The following FAM163B variants were observed in gnomAD, a reference collection of about 807,000 sequenced individuals.
FAM163B encodes the protein protein FAM163B.
In FAM163B, 4 loss-of-function variants were observed where a neutral mutation model predicts 7.6. The ratio of observed to expected loss-of-function variants is 0.52; its 90% CI spans 0.26 to 1.20. The LOEUF (loss-of-function observed/expected upper bound fraction) is 1.20, where lower values mean the gene tolerates loss of function less well. Ranked by LOEUF, FAM163B falls within the 50% of genes most tolerant of loss-of-function variation. FAM163B has a pLI of 0.14. For missense variants in FAM163B, 250 were observed against 243.0 expected (o/e 1.03, Z -0.19); for synonymous variants, 120 against 111.6 (o/e 1.07, Z -0.47).
chr9:133,597,311 C>A lies in FAM163B; in HGVS notation c.-24+11766G>T, dbSNP rs149666641. Among the ~76,000 whole-genome samples the A allele has an allele frequency of 3.4e-3, 525 of 152,234 alleles. 5 individuals are homozygous for A. Among genetic ancestry groups the A allele is most frequent in the Middle Eastern group, 0.01 (3 of 294 alleles). ...ATAGGAAAAAGAACCAACCGAACTT[C>A]TAGAGATGAAAACATGACAATGCCT... On this transcript the variant is annotated intron_variant, in intron 1 of 2. Transcript: ENST00000673969.
intron 1 of FAM163B, among the ~76,000 whole-genome samples, chr9:133,604,704 C>T (rs936865400): frequency 1.5e-4 from 23 of 152,206 alleles, no homozygotes; most frequent in South Asian, 1.0e-3. Flanking sequence ...ACCTGGGGGC[C>T]GGTTACAACA....
intron 1 of FAM163B, among the ~76,000 whole-genome samples, chr9:133,586,658 G>C (rs1831443011): frequency 6.6e-6 from 1 of 151,766 alleles, no homozygotes; most frequent in Non-Finnish European, 1.5e-5. Context: ...TGGCACAAAA[G>C]TGCAGATTGT....
At chr9:133,607,423 C>T (rs1831803356) in intron 1 of FAM163B, among the ~76,000 whole-genome samples, 1 of 152,174 alleles carries the variant, frequency 6.6e-6, no homozygotes, top group Admixed American at 6.5e-5. Context: ...GGCTCCTTGC[C>T]CTACCTGCTG....
chr9:133,600,829 G>C lies in FAM163B; in HGVS notation c.-24+8248C>G, dbSNP rs1831719724. On this transcript the variant is annotated intron_variant, in intron 1 of 2. Transcript: ENST00000673969. The surrounding 1 kb of genome is among the most constrained non-coding windows in gnomAD (Gnocchi z 4.9). The stretch of plus-strand genomic sequence containing the variant: ...TAACTAGTGTAATCGCAAGCTCAGT[G>C]AACAATCACAGACGCTCCCTAACCC... 6.6e-6 allele frequency among the ~76,000 whole-genome samples: 1 copy of C among 152,178 alleles called. No homozygotes were observed. Among genetic ancestry groups the C allele is most frequent in the South Asian group, 2.1e-4 (1 of 4,828 alleles).
rs1390490035 is a variant in FAM163B at position 133,606,810 on chromosome 9, T to C, written c.-24+2267A>G. ...TCAGAGGTAATTGACTGAGATGTAATACATCTCTCCCCTCCCGAGTGCTGT... is the reference window on the plus strand; with the variant it reads ...TCAGAGGTAATTGACTGAGATGTAACACATCTCTCCCCTCCCGAGTGCTGT... On this transcript the variant is annotated intron_variant, in intron 1 of 2. Coordinates refer to ENST00000673969, the MANE Select transcript of FAM163B (RefSeq NM_001080515.3). This position sits in a 1 kb window ranked among gnomAD's most constrained non-coding sequence, Gnocchi z 4.0. Among the ~76,000 whole-genome samples the C allele has an allele frequency of 6.6e-6, 1 of 152,060 alleles. No individual in the cohort carries two copies. Among genetic ancestry groups the C allele is most frequent in the African/African-American group, 2.4e-5 (1 of 41,404 alleles).
Position 133,579,147 on chromosome 9 carries a change from C to G in FAM163B, c.376G>C (p.Val126Leu). 6.2e-7 allele frequency: 1 copy of G among 1,610,014 alleles called. No individual in the cohort carries two copies. Among genetic ancestry groups the G allele is most frequent in the Non-Finnish European group, 8.5e-7 (1 of 1,179,778 alleles). ...NGGERVLYKSVSQEDVELPPG... is the reference protein window; with the variant it reads ...NGGERVLYKSLSQEDVELPPG... Reference sequence around the variant, plus strand: ...GGCAGCTCCACGTCCTCCTGGCTCACGCTCTTGTAGAGCACGCGCTCCCCG... The same window carrying G: ...GGCAGCTCCACGTCCTCCTGGCTCAGGCTCTTGTAGAGCACGCGCTCCCCG... The change falls in exon 3 of 3, where the codon GTG becomes CTG. Residue 126 changes from valine (V) to leucine (L), a missense_variant. Coordinates refer to ENST00000673969, the MANE Select transcript of FAM163B (RefSeq NM_001080515.3).
At chr9:133,588,659 C>T (rs1329272897) in intron 1 of FAM163B, among the ~76,000 whole-genome samples, 3 of 11,100 alleles carry the variant, frequency 2.7e-4, no homozygotes, top group Non-Finnish European at 4.5e-4. Flanking sequence ...AAGGATCTAG[C>T]ATGCTGAGGG....
At chr9:133,599,611 C>T (rs1831683041) in intron 1 of FAM163B, among the ~76,000 whole-genome samples, 1 of 149,046 alleles carries the variant, frequency 6.7e-6, no homozygotes, top group African/African-American at 2.5e-5. Flanking sequence ...TGTGTGTGTG[C>T]ATGTATCTGC....
intron 1 of FAM163B, among the ~76,000 whole-genome samples, chr9:133,591,561 T>C (rs972888787): frequency 2.0e-5 from 3 of 152,142 alleles, no homozygotes; most frequent in Admixed American, 6.5e-5. Flanking sequence ...GTCCCTCACA[T>C]TGGGCTTACA....
intron 1 of FAM163B, among the ~76,000 whole-genome samples, chr9:133,589,663 C>T (rs1831506858): frequency 6.6e-6 from 1 of 152,034 alleles, no homozygotes; most frequent in Admixed American, 6.5e-5. Context: ...GTGCTGATTT[C>T]AATGCAGTGG....
chr9:133,604,218 A>C (rs1363462079), intron 1 of FAM163B, among the ~76,000 whole-genome samples: 1 of 152,256 alleles, frequency 6.6e-6, no homozygotes, highest in Non-Finnish European at 1.5e-5. Context: ...TGAGTGAACA[A>C]GTATATAAAA....
chr9:133,588,531 T>G (rs1831475428), intron 1 of FAM163B, among the ~76,000 whole-genome samples: 3 of 1,700 alleles, frequency 1.8e-3, no homozygotes, highest in Admixed American at 6.2e-3. Flanking sequence ...GGGGTGGGGG[T>G]GGGCTCAATG....
chr9:133,583,655 C>T lies in FAM163B; in HGVS notation c.-23-3409G>A, dbSNP rs371685850. ...CTCTCTCTCAGGTCTGAGATGCAGC[C>T]GGTCCCTGGCTCCGCCTGGCTGCAG... On this transcript the variant is annotated intron_variant, in intron 1 of 2. Coordinates refer to ENST00000673969, the MANE Select transcript of FAM163B (RefSeq NM_001080515.3). Among the ~76,000 whole-genome samples the T allele has an allele frequency of 1.1e-4, 17 of 152,342 alleles. No individual in the cohort carries two copies. The South Asian group carries it at 1.2e-3, about 11-fold the overall frequency.
intron 1 of FAM163B, among the ~76,000 whole-genome samples, chr9:133,599,087 C>T (rs1397036587): frequency 1.3e-5 from 2 of 152,282 alleles, no homozygotes; most frequent in African/African-American, 2.4e-5. Context: ...CTGGCCTGAG[C>T]GCCACACTTT....
chr9:133,589,505 C>T (rs1221092932), intron 1 of FAM163B, among the ~76,000 whole-genome samples: 2 of 152,212 alleles, frequency 1.3e-5, no homozygotes, highest in Non-Finnish European at 2.9e-5. Context: ...CATCCCCCAC[C>T]CTCAGCTTGC....
At chr9:133,607,095 C>T (rs1394677346) in intron 1 of FAM163B, among the ~76,000 whole-genome samples, 2 of 152,206 alleles carry the variant, frequency 1.3e-5, no homozygotes, top group Admixed American at 1.3e-4. Flanking sequence ...TGCACTCCCT[C>T]AATACCATGG....
intron 1 of FAM163B, among the ~76,000 whole-genome samples, chr9:133,594,138 G>A (rs551469601): frequency 1.3e-5 from 2 of 152,240 alleles, no homozygotes; most frequent in South Asian, 2.1e-4. Context: ...CAGTGGCCAC[G>A]TCCAGAGCTG....
chr9:133,604,601 A>G (rs1467031754), intron 1 of FAM163B, among the ~76,000 whole-genome samples: 1 of 152,346 alleles, frequency 6.6e-6, no homozygotes, highest in Non-Finnish European at 1.5e-5. Context: ...TATAAGGAGC[A>G]TGAAGGAGAC....
At chr9:133,590,076 C>T (rs1260967042) in intron 1 of FAM163B, among the ~76,000 whole-genome samples, 1,082 of 36,780 alleles carry the variant, frequency 0.029, 223 homozygotes, top group African/African-American at 0.13. Flanking sequence ...CCCTTCCCTT[C>T]CCCTTCCCCT....
Sources: gnomAD v4.1 joint callset for allele counts (sites outside exome capture counted in the v4.1 genomes callset) on GRCh38, gnomAD v4.1.1 for gene constraint, Gnocchi (gnomAD v3.1) non-coding constraint, MANE v1.5 for transcripts, NCBI Gene and HGNC (gene_info 2026-07-23, HGNC 2026-07-21) for gene names.